Variants in DTNB observed in about 807,000 individuals in gnomAD.
DTNB encodes the protein DTN-B.
A neutral mutation model predicts 90.7 loss-of-function variants in DTNB; 63 were observed. The observed-to-expected ratio is 0.69, with a 90% CI of 0.57 to 0.86. The LOEUF is 0.86. DTNB is among the 40% of genes least tolerant of loss of function. The probability of loss-of-function intolerance (pLI) is 0.00; values close to 1 mark genes in which losing one functional copy is unlikely to be tolerated. For synonymous variants in DTNB, 277 were observed against 286.7 expected, an observed-to-expected ratio of 0.97 and a Z score of 0.34; for missense variants, 744 against 807.1, an observed-to-expected ratio of 0.92 and a Z score of 0.95.
chr2:25,576,963 T>A lies in DTNB; in HGVS notation c.751A>T (p.Met251Leu), dbSNP rs961224119. The A allele has an allele frequency of 1.2e-6, 2 of 1,611,420 alleles. No homozygotes were observed. Among genetic ancestry groups the A allele is most frequent in the Admixed American group, 3.4e-5 (2 of 59,606 alleles). ...TGGCATCGGTACCGGAAACCCATCA[T>A]ACTCTCACATCGGCAGTAGGAGCAC... Reference protein sequence around the residue: ...VECSYCRCESMMGFRYRCQQC... With the variant: ...VECSYCRCESLMGFRYRCQQC... Residue 251 changes from methionine to leucine, a missense_variant, in exon 8 of 21, where the codon ATG (methionine) becomes TTG (leucine). Coordinates refer to ENST00000406818, the MANE Select transcript of DTNB (RefSeq NM_021907.5).
chr2:25,408,848 C>T (rs2149707604), intron 16 of DTNB, among the ~76,000 whole-genome samples: 1 of 152,280 alleles, frequency 6.6e-6, no homozygotes, highest in South Asian at 2.1e-4. Flanking sequence ...AGCTATAAAA[C>T]CTGTTACCCT....
Position 25,578,035 on chromosome 2 carries a change from T to C in DTNB, c.710-1031A>G, listed in dbSNP as rs543783489. ...CAGAAAAAGAAAACGAAAAGAGGGA[T>C]AGAATATTCAAATCTTCATTGAACA... On this transcript the variant is annotated intron_variant, in intron 7 of 20. Coordinates refer to ENST00000406818, the MANE Select transcript of DTNB (RefSeq NM_021907.5). 3.9e-5 allele frequency among the ~76,000 whole-genome samples: 6 copies of C among 152,182 alleles called. No individual in the cohort carries two copies. The South Asian group carries it at 1.2e-3, about 32-fold the overall frequency.
intron 5 of DTNB, among the ~76,000 whole-genome samples, chr2:25,599,899 C>T (rs947235455): frequency 4.0e-5 from 6 of 151,792 alleles, no homozygotes; most frequent in Non-Finnish European, 7.4e-5. Flanking sequence ...GAGTTCAAGG[C>T]CAGCCTGGGC....
chr2:25,407,626 C>G (rs2045535663), intron 16 of DTNB, among the ~76,000 whole-genome samples: 1 of 152,122 alleles, frequency 6.6e-6, no homozygotes, highest in African/African-American at 2.4e-5. Context: ...TTGCAGCAAC[C>G]TGAATGGACC....
At chr2:25,504,333 A>AAGGAAGGAAGGAAGG (rs1266901410) in intron 9 of DTNB, among the ~76,000 whole-genome samples, 5 of 149,862 alleles carry the variant, frequency 3.3e-5, no homozygotes, top group Non-Finnish European at 7.4e-5. Context: ...AGAAAGAAAG[A>AAGGAAGGAAGGAAGG]AGGAAGGAAG....
intron 8 of DTNB, among the ~76,000 whole-genome samples, chr2:25,532,107 A>T (rs559034960): frequency 6.6e-6 from 1 of 152,140 alleles, no homozygotes; most frequent in Admixed American, 6.5e-5. Context: ...TTAACCAGGC[A>T]TGGTGGTGCA....
chr2:25,631,415 T>G (rs2075723588), intron 3 of DTNB, among the ~76,000 whole-genome samples: 1 of 151,760 alleles, frequency 6.6e-6, no homozygotes, highest in South Asian at 2.1e-4. Context: ...CACAAAAAAT[T>G]TTTTTTAATT....
In DTNB at chr2:25,391,360, A is replaced by T. The variant is rs758378500; in HGVS notation, c.1576-2999T>A. On this transcript the variant is annotated intron_variant, in intron 16 of 20. Transcript: ENST00000406818. The stretch of plus-strand genomic sequence containing the variant: ...AGAAAATGTTTGCAAACTATATATG[A>T]TACATGATCTATATATAAAATATAT... 4.6e-5 allele frequency among the ~76,000 whole-genome samples: 7 copies of T among 152,220 alleles called. No individual in the cohort carries two copies. In the South Asian group the frequency reaches 1.0e-3, roughly 22 times the overall value.
At chr2:25,406,191 T>C (rs1181707685) in intron 16 of DTNB, among the ~76,000 whole-genome samples, 6 of 152,064 alleles carry the variant, frequency 3.9e-5, no homozygotes, top group Non-Finnish European at 7.4e-5. Flanking sequence ...GAGGCGCATA[T>C]TTGTATCACA....
intron 1 of DTNB, among the ~76,000 whole-genome samples, chr2:25,657,189 T>TGAAA (rs1227462645): frequency 1.3e-5 from 2 of 151,172 alleles, no homozygotes; most frequent in African/African-American, 4.9e-5. Flanking sequence ...AATAAATAAA[T>TGAAA]GAAAGGGTTG....
At chr2:25,607,098 G>T in intron 5 of DTNB, 138 bp downstream of exon 5, 8 of 865,972 alleles carry the variant, frequency 9.2e-6, no homozygotes, top group Non-Finnish European at 1.2e-5. Flanking sequence ...CTCACCTACT[G>T]TGAGCCAGCT....
At chr2:25,586,116 T>C (rs1326007452) in intron 6 of DTNB, among the ~76,000 whole-genome samples, 2 of 152,192 alleles carry the variant, frequency 1.3e-5, no homozygotes, top group African/African-American at 4.8e-5. Flanking sequence ...ATAATATCAG[T>C]GAAAACGAGG....
At chr2:25,589,377 T>TC (rs2063101125) in intron 6 of DTNB, among the ~76,000 whole-genome samples, 1 of 109,022 alleles carries the variant, frequency 9.2e-6, no homozygotes, top group Non-Finnish European at 1.9e-5. Flanking sequence ...CTTTTTTTTT[T>TC]TTTTTTTTTT....
At chr2:25,486,834 A>C (rs2150418858) in intron 9 of DTNB, among the ~76,000 whole-genome samples, 1 of 152,254 alleles carries the variant, frequency 6.6e-6, no homozygotes, top group East Asian at 1.9e-4. Context: ...AACATGTAAA[A>C]CCAGTTGAAT....
At chr2:25,630,624 C>T (rs2075453879) in intron 3 of DTNB, among the ~76,000 whole-genome samples, 1 of 151,976 alleles carries the variant, frequency 6.6e-6, no homozygotes, top group South Asian at 2.1e-4. Flanking sequence ...GCGGGTGGAT[C>T]ACTTGAGGTT....
At chr2:25,579,589 GA>G (rs1250548867) in intron 7 of DTNB, among the ~76,000 whole-genome samples, 1 of 151,772 alleles carries the variant, frequency 6.6e-6, no homozygotes, top group Non-Finnish European at 1.5e-5. Flanking sequence ...GCAAGAACAG[GA>G]AAAATTAAGA....
chr2:25,476,431 G>T (rs914428863), intron 10 of DTNB, among the ~76,000 whole-genome samples: 3 of 152,170 alleles, frequency 2.0e-5, no homozygotes, highest in Admixed American at 6.5e-5. Flanking sequence ...AGCTGCCATA[G>T]ATAGAGTGGT....
intron 9 of DTNB, among the ~76,000 whole-genome samples, chr2:25,518,217 TA>T (rs560676637): frequency 1.7e-4 from 25 of 150,494 alleles, no homozygotes; most frequent in South Asian, 1.5e-3. Flanking sequence ...TTATCCACAA[TA>T]AAAAAAAAGA....
chr2:25,398,598 C>T (rs996291912), intron 16 of DTNB, among the ~76,000 whole-genome samples: 4 of 152,176 alleles, frequency 2.6e-5, no homozygotes, highest in East Asian at 1.9e-4. Flanking sequence ...ATATACATCA[C>T]GCAAGGGATG....
Sources: allele counts gnomAD v4.1 joint callset (sites outside exome capture counted in the v4.1 genomes callset), GRCh38; gene constraint gnomAD v4.1.1; transcripts MANE v1.5; gene names NCBI Gene and HGNC (gene_info 2026-07-23, HGNC 2026-07-21).